The following GSE1 variants were observed in gnomAD, a reference collection of about 807,000 sequenced individuals.
The protein encoded by GSE1 is genetic suppressor element 1.
A neutral mutation model predicts 112.6 loss-of-function variants in GSE1; 32 were observed. That is an observed-to-expected ratio of 0.28 (90% CI 0.21 to 0.38). GSE1 has a LOEUF of 0.38. Ranked by LOEUF, GSE1 falls within the 10% of genes least tolerant of loss-of-function variation. The probability of loss-of-function intolerance (pLI) is 1.00; values close to 1 mark genes in which losing one functional copy is unlikely to be tolerated. For synonymous variants in GSE1, 1,115 were observed against 735.6 expected (o/e 1.52, Z -8.35); for missense variants, 2,348 against 1,699.2 (o/e 1.38, Z -6.71).
At chr16:85,278,793 G>T in intron 1 of GSE1, 1 of 174,592 alleles carries the variant, frequency 5.7e-6, no homozygotes, top group South Asian at 1.5e-4. Context: ...GTCAACCCAA[G>T]AAGATTATCT....
At chr16:85,641,868 G>C (rs2050478071) in intron 2 of GSE1, among the ~76,000 whole-genome samples, 1 of 152,260 alleles carries the variant, frequency 6.6e-6, no homozygotes, top group African/African-American at 2.4e-5. Context: ...CAAGGGGCTG[G>C]ACCTCCTCTG....
chr16:85,599,860 A>T (rs1249178285), intron 1 of GSE1, among the ~76,000 whole-genome samples: 1 of 152,190 alleles, frequency 6.6e-6, no homozygotes, highest in African/African-American at 2.4e-5. Context: ...TGATCGTACC[A>T]CTGCCAGCCT....
At chr16:85,186,395 A>G (rs969319888) in intron 1 of GSE1, among the ~76,000 whole-genome samples, 1 of 152,004 alleles carries the variant, frequency 6.6e-6, no homozygotes, top group African/African-American at 2.4e-5. Context: ...ATGAGGTCAG[A>G]AGATCAAGAC....
intron 13 of GSE1, among the ~76,000 whole-genome samples, chr16:85,667,104 A>G (rs932040908): frequency 6.6e-6 from 1 of 152,276 alleles, no homozygotes; most frequent in African/African-American, 2.4e-5. Context: ...CCAGTTCTCC[A>G]TGACAGATAC....
chr16:85,573,344 C>T (rs898067845), intron 1 of GSE1, among the ~76,000 whole-genome samples: 10 of 152,128 alleles, frequency 6.6e-5, no homozygotes, highest in Admixed American at 4.6e-4. Context: ...GGATAGACCA[C>T]GTTCTGTTTC....
intron 2 of GSE1, among the ~76,000 whole-genome samples, chr16:85,514,754 C>T (rs946016339): frequency 2.6e-5 from 4 of 152,070 alleles, no homozygotes; most frequent in African/African-American, 7.2e-5. Flanking sequence ...CTGCCTGCCC[C>T]TTGCCCCAGG....
At chr16:85,494,489 G>T (rs959392321) in intron 2 of GSE1, among the ~76,000 whole-genome samples, 1 of 142,550 alleles carries the variant, frequency 7.0e-6, no homozygotes, top group Admixed American at 7.2e-5. Flanking sequence ...GTCTCACTCT[G>T]TTGCCCAGGC....
chr16:85,236,135 G>A (rs1904637080), intron 1 of GSE1, among the ~76,000 whole-genome samples: 1 of 152,170 alleles, frequency 6.6e-6, no homozygotes, highest in African/African-American at 2.4e-5. Flanking sequence ...TGGGCCACCG[G>A]ACCGGAAAAG....
At chr16:85,605,687 C>T (rs1039757957) in intron 1 of GSE1, among the ~76,000 whole-genome samples, 1 of 151,908 alleles carries the variant, frequency 6.6e-6, no homozygotes, top group Non-Finnish European at 1.5e-5. Context: ...CTGTGCTCTC[C>T]AAAGCCACAT....
chr16:85,657,320 A>G lies in GSE1; in HGVS notation c.1356A>G (p.Gln452=), dbSNP rs1314589973. The part of the protein sequence containing the change: ...DAGLQAPKPV[Q]HPLHPVPTPH... Reference sequence around the variant, plus strand: ...GCCTGCAGGCGCCCAAGCCCGTCCAACACCCCTTGCATCCGGTGCCCACCC... The same window carrying G: ...GCCTGCAGGCGCCCAAGCCCGTCCAGCACCCCTTGCATCCGGTGCCCACCC... The change falls in exon 8 of 16, where the codon CAA becomes CAG. Residue 452 remains glutamine, a synonymous_variant. Coordinates refer to ENST00000253458, the MANE Select transcript of GSE1 (RefSeq NM_014615.5). The G allele has an allele frequency of 6.2e-7, 1 of 1,603,390 alleles. No individual in the cohort carries two copies.
intron 1 of GSE1, among the ~76,000 whole-genome samples, chr16:85,334,042 G>A (rs1430581017): frequency 6.6e-6 from 1 of 152,168 alleles, no homozygotes; most frequent in Non-Finnish European, 1.5e-5. Context: ...GTGGACACGG[G>A]GCCTCTGCTT....
intron 1 of GSE1, among the ~76,000 whole-genome samples, chr16:85,194,335 C>CA (rs1386740738): frequency 1.3e-5 from 2 of 152,154 alleles, no homozygotes; most frequent in Non-Finnish European, 2.9e-5. Context: ...TTAGGGAGGC[C>CA]AGTGGATTCG....
chr16:85,310,099 C>T (rs1010318954), intron 1 of GSE1, among the ~76,000 whole-genome samples: 13 of 152,236 alleles, frequency 8.5e-5, no homozygotes, highest in Admixed American at 2.0e-4. Flanking sequence ...ACCCCTGTCC[C>T]GCCTGGCACT....
At chr16:85,450,160 C>T (rs11149748) in intron 2 of GSE1, among the ~76,000 whole-genome samples, 44,838 of 120,802 alleles carry the variant, frequency 0.37, 9,035 homozygotes, top group Middle Eastern at 0.48. Flanking sequence ...TCGCTCTTGT[C>T]GCCCAGGTTG....
At chr16:85,617,808 C>T (rs2048473127) in intron 1 of GSE1, among the ~76,000 whole-genome samples, 1 of 152,060 alleles carries the variant, frequency 6.6e-6, no homozygotes, top group South Asian at 2.1e-4. Context: ...TTCAGGAGAC[C>T]TGGGGTCTCT....
chr16:85,516,457 CAAAAAAAAAAA>C (rs71151299), intron 2 of GSE1, among the ~76,000 whole-genome samples: 2 of 69,446 alleles, frequency 2.9e-5, no homozygotes, highest in East Asian at 6.9e-4. Context: ...CCCATCTCTA[CAAAAAAAAAAA>C]AAAAAAAAAA....
chr16:85,573,849 A>T (rs2046110998), intron 1 of GSE1, among the ~76,000 whole-genome samples: 1 of 152,180 alleles, frequency 6.6e-6, no homozygotes, highest in Admixed American at 6.5e-5. Context: ...CTTCCTGGGA[A>T]CTCAAGAAAA....
chr16:85,517,698 A>T (rs962282804), intron 2 of GSE1, among the ~76,000 whole-genome samples: 4 of 152,176 alleles, frequency 2.6e-5, no homozygotes, highest in Non-Finnish European at 4.4e-5. Flanking sequence ...CCAGCAGAGC[A>T]TCTTGCAGTC....
chr16:85,409,348 G>A (rs1368649647), intron 2 of GSE1, among the ~76,000 whole-genome samples: 2 of 35,002 alleles, frequency 5.7e-5, no homozygotes, highest in African/African-American at 1.4e-4. Flanking sequence ...GGGCCCCCCT[G>A]GATAATCCTC....
Sources: gnomAD v4.1 joint callset for allele counts (sites outside exome capture counted in the v4.1 genomes callset) on GRCh38, gnomAD v4.1.1 for gene constraint, MANE v1.5 for transcripts, NCBI Gene and HGNC (gene_info 2026-07-23, HGNC 2026-07-21) for gene names.